The following PABIR3 variants were observed in gnomAD, a reference collection of about 807,000 sequenced individuals.
PABIR3 encodes the protein PABIR family member 3, also known as PABIR family member 1.
In PABIR3, 20 loss-of-function variants were observed where a neutral mutation model predicts 23.1. That is an observed-to-expected ratio of 0.86 (90% CI 0.61 to 1.26). The LOEUF is 1.26. Among genes scored for constraint, PABIR3 ranks in the 50% most tolerant of loss-of-function variants. PABIR3 has a pLI of 0.00. For synonymous variants in PABIR3, 69 were observed against 68.5 expected (o/e 1.01, Z -0.04); for missense variants, 189 against 195.4 (o/e 0.97, Z 0.20).
At chrX:134,818,939 T>C (rs1366209951) in intron 3 of PABIR3, among the ~76,000 whole-genome samples, 4 of 100,835 alleles carry the variant, frequency 4.0e-5, no homozygotes, top group African/African-American at 1.1e-4. Context: ...TCTTTCTTTT[T>C]TTTTTTTTTT....
intron 9 of PABIR3, among the ~76,000 whole-genome samples, chrX:134,849,456 G>A (rs1382332696): frequency 9.0e-6 from 1 of 111,621 alleles, no homozygotes; most frequent in African/African-American, 3.3e-5. Flanking sequence ...TTCCAATTTA[G>A]TTGGCTATTA....
upstream of PABIR3, chrX:134,804,085 TG>T (rs1244420208): frequency 2.1e-6 from 1 of 474,197 alleles, no homozygotes; most frequent in African/African-American, 2.4e-5. Flanking sequence ...ACATGTTTGT[TG>T]GTTCCCTTTT....
intron 2 of PABIR3, among the ~76,000 whole-genome samples, chrX:134,812,052 G>A (rs186384757): frequency 8.9e-5 from 10 of 112,533 alleles, no homozygotes; most frequent in Non-Finnish European, 1.7e-4. Flanking sequence ...ATCTATTATA[G>A]TTTAGACAGA....
intron 3 of PABIR3, among the ~76,000 whole-genome samples, chrX:134,815,547 G>GCATA (rs2080926028): frequency 8.9e-6 from 1 of 111,807 alleles, no homozygotes; most frequent in Non-Finnish European, 1.9e-5. Flanking sequence ...TTTCTAAAGT[G>GCATA]CATACATATC....
At chrX:134,798,113 G>A (rs759814719) in intron 1 of PABIR3, among the ~76,000 whole-genome samples, 64 of 111,559 alleles carry the variant, frequency 5.7e-4, no homozygotes, top group African/African-American at 2.1e-3. Flanking sequence ...GAGCCACCGC[G>A]CCCGGTCAAG....
intron 4 of PABIR3, among the ~76,000 whole-genome samples, chrX:134,839,849 G>A (rs749999378): frequency 2.7e-5 from 3 of 112,186 alleles, no homozygotes; most frequent in South Asian, 3.6e-4. Flanking sequence ...CAGCCGCCCC[G>A]TCTGGGAGGT....
At chrX:134,858,455 T>A (rs933418381), downstream of PABIR3, among the ~76,000 whole-genome samples, 1 of 111,847 alleles carries the variant, frequency 8.9e-6, no homozygotes, top group Non-Finnish European at 1.9e-5. Flanking sequence ...AGGATATATT[T>A]AATCTCATCT....
At chrX:134,857,707 A>G (rs1055013537), downstream of PABIR3, among the ~76,000 whole-genome samples, 1 of 111,399 alleles carries the variant, frequency 9.0e-6, no homozygotes, top group Admixed American at 9.7e-5. Context: ...TTCCTATTTT[A>G]CTTATAATCT....
chrX:134,796,512 G>A, upstream of PABIR3: 1 of 231,416 alleles, frequency 4.3e-6, no homozygotes, highest in African/African-American at 2.9e-5. Context: ...GGGAAAACAA[G>A]GATGGAGGGA....
At chrX:134,803,309 C>T, upstream of PABIR3, among the ~76,000 whole-genome samples, 1 of 111,581 alleles carries the variant, frequency 9.0e-6, no homozygotes, top group African/African-American at 3.3e-5. Flanking sequence ...AACAATTTTT[C>T]ATTGTTCTTC....
chrX:134,828,486 A>C (rs767265887), intron 3 of PABIR3, among the ~76,000 whole-genome samples: 6 of 112,140 alleles, frequency 5.4e-5, no homozygotes, highest in African/African-American at 1.9e-4. Flanking sequence ...TTAAGAAATA[A>C]CCACGGTACA....
At chrX:134,799,184 A>G (rs2079995419) in intron 1 of PABIR3, among the ~76,000 whole-genome samples, 1 of 112,199 alleles carries the variant, frequency 8.9e-6, no homozygotes, top group Admixed American at 9.5e-5. Context: ...TTAGAGGAAA[A>G]CATTGCTTAA....
intron 1 of PABIR3, among the ~76,000 whole-genome samples, chrX:134,797,578 A>G (rs981677910): frequency 7.2e-5 from 8 of 111,472 alleles, no homozygotes; most frequent in African/African-American, 2.6e-4. Context: ...ATCCATTCGG[A>G]TGCACTAGAC....
In PABIR3 at chrX:134,845,195, AC is replaced by A; in HGVS notation, c.247-8del. 8.4e-7 allele frequency: 1 copy of A among 1,185,494 alleles called. No homozygotes were observed. Among genetic ancestry groups the A allele is most frequent in the Non-Finnish European group, 1.1e-6 (1 of 880,241 alleles). The stretch of plus-strand genomic sequence containing the variant: ...GTATTCAGTTTATTCTCATTTTCCT[AC>A]CTTTACAGGAAGAAGCCATGGATTT... On this transcript the variant is annotated splice_polypyrimidine_tract_variant and intron_variant, in intron 4 of 10. Transcript: ENST00000645433.
intron 4 of PABIR3, among the ~76,000 whole-genome samples, chrX:134,842,483 C>A (rs2082267523): frequency 9.0e-6 from 1 of 110,927 alleles, no homozygotes; most frequent in Non-Finnish European, 1.9e-5. Context: ...TGGTGGGCAC[C>A]TGTAGTCCCA....
At chrX:134,815,270 T>C (rs2080911136) in intron 3 of PABIR3, among the ~76,000 whole-genome samples, 1 of 111,286 alleles carries the variant, frequency 9.0e-6, no homozygotes, top group South Asian at 3.7e-4. Context: ...GCTTTTAGAC[T>C]TTTATCTCAC....
At position 134,845,375 on chromosome X, in the gene PABIR3, C is replaced by A; in HGVS notation, c.319C>A (p.His107Asn). ...WKLQSEIQIS[H>N]SWEEGLKLND... Reference sequence around the variant, plus strand: ...GCTACAAAGTGAGATACAGATAAGTCACTCTTGGGAAGAAGGCTTGAAACT... The same window carrying A: ...GCTACAAAGTGAGATACAGATAAGTAACTCTTGGGAAGAAGGCTTGAAACT... The change falls in exon 6 of 11, where the codon CAC (histidine) becomes AAC (asparagine). Residue 107 changes from histidine to asparagine, a missense_variant. Physicochemically the swap from His to Asn is moderately conservative, Grantham distance 68. Transcript: ENST00000645433. 8.3e-7 allele frequency: 1 copy of A among 1,204,858 alleles called. No individual in the cohort carries two copies. Among genetic ancestry groups the A allele is most frequent in the South Asian group, 1.8e-5 (1 of 55,114 alleles).
At chrX:134,821,005 GAGAC>G (rs1339983572) in intron 3 of PABIR3, among the ~76,000 whole-genome samples, 17 of 105,546 alleles carry the variant, frequency 1.6e-4, no homozygotes, top group Admixed American at 1.1e-4. Context: ...CTGGGCGACA[GAGAC>G]AGACTCCATA....
intron 9 of PABIR3, 73 bp downstream of exon 9, chrX:134,849,301 AC>A (rs1243158783): frequency 2.2e-6 from 1 of 459,195 alleles, no homozygotes; most frequent in African/African-American, 2.5e-5. Flanking sequence ...CAAATGTTAT[AC>A]AAAAATGTAT....
Sources: allele counts gnomAD v4.1 joint callset (sites outside exome capture counted in the v4.1 genomes callset), GRCh38; gene constraint gnomAD v4.1.1; transcripts MANE v1.5; gene names NCBI Gene and HGNC (gene_info 2026-07-23, HGNC 2026-07-21).